The following CTDSPL2 variants were observed in gnomAD, a reference collection of about 807,000 sequenced individuals.
CTDSPL2 encodes the protein CTD small phosphatase-like protein 2.
A neutral mutation model predicts 60.0 loss-of-function variants in CTDSPL2; 5 were observed. The observed-to-expected ratio is 0.08, with a 90% CI of 0.04 to 0.18. The LOEUF (loss-of-function observed/expected upper bound fraction) is 0.18. Among genes scored for constraint, CTDSPL2 ranks in the 10% least tolerant of loss-of-function variants. The pLI is 1.00. For synonymous variants in CTDSPL2, 186 were observed against 189.3 expected, an observed-to-expected ratio of 0.98 and a Z score of 0.14; for missense variants, 370 against 548.8, an observed-to-expected ratio of 0.67 and a Z score of 3.26.
chr15:44,522,836 G>A (rs1014543956), intron 12 of CTDSPL2, among the ~76,000 whole-genome samples: 8 of 152,178 alleles, frequency 5.3e-5, no homozygotes, highest in African/African-American at 1.9e-4. Context: ...TTATGCTACT[G>A]AAACTTTATT....
At chr15:44,491,354 G>A (rs937704306) in intron 5 of CTDSPL2, among the ~76,000 whole-genome samples, 1 of 152,142 alleles carries the variant, frequency 6.6e-6, no homozygotes, top group Non-Finnish European at 1.5e-5. Context: ...CTAGCTAGAG[G>A]CAGTCTCATA....
intron 2 of CTDSPL2, among the ~76,000 whole-genome samples, chr15:44,479,938 C>A (rs1273970318): frequency 6.6e-6 from 1 of 152,088 alleles, no homozygotes; most frequent in Non-Finnish European, 1.5e-5. Context: ...TCTCTTTGAA[C>A]AAATTTTGTT....
At chr15:44,449,926 G>A (rs1375748480) in intron 1 of CTDSPL2, among the ~76,000 whole-genome samples, 3 of 151,988 alleles carry the variant, frequency 2.0e-5, no homozygotes, top group African/African-American at 7.2e-5. Context: ...AGGAGGTGGA[G>A]GTTGCAGTGA....
intron 10 of CTDSPL2, among the ~76,000 whole-genome samples, chr15:44,515,685 A>G (rs1052592830): frequency 3.3e-5 from 5 of 152,110 alleles, no homozygotes; most frequent in Non-Finnish European, 4.4e-5. Context: ...AGCCTCACCA[A>G]TATGGAGAAA....
At chr15:44,478,065 A>G (rs1392568962) in intron 2 of CTDSPL2, among the ~76,000 whole-genome samples, 1 of 152,122 alleles carries the variant, frequency 6.6e-6, no homozygotes, top group Non-Finnish European at 1.5e-5. Flanking sequence ...TTAGTTCTAC[A>G]GGTTCTCCAT....
At chr15:44,520,331 T>C (rs2140872801) in intron 11 of CTDSPL2, 1 of 151,996 alleles carries the variant, frequency 6.6e-6, no homozygotes, top group East Asian at 1.9e-4. Context: ...GTATTATTAG[T>C]AGAGACGGGG....
intron 1 of CTDSPL2, 70 bp from the exon 2 acceptor site, chr15:44,458,921 C>G: frequency 9.7e-7 from 1 of 1,026,684 alleles, no homozygotes. Flanking sequence ...AAGCTGGGCA[C>G]ATTTGGGTAG....
chr15:44,491,083 C>T, intron 5 of CTDSPL2, 84 bp downstream of exon 5: 6 of 948,256 alleles, frequency 6.3e-6, no homozygotes, highest in Non-Finnish European at 9.6e-6. Flanking sequence ...TAAATGAGCA[C>T]ATTATATGCA....
In CTDSPL2 at chr15:44,459,090, A is replaced by C; in HGVS notation, c.76A>C (p.Lys26Gln). 1 of 1,613,234 alleles carries C rather than the reference A, an allele frequency of 6.2e-7. No homozygotes were observed. Among genetic ancestry groups the C allele is most frequent in the Non-Finnish European group, 8.5e-7 (1 of 1,179,554 alleles). Reference sequence around the variant, plus strand: ...ACAACGCACTGCCAGAGCAAAGAGGAAATATTCAGAGGTTGATGATAGCCT... The same window carrying C: ...ACAACGCACTGCCAGAGCAAAGAGGCAATATTCAGAGGTTGATGATAGCCT... The part of the protein sequence containing the change: ...QTQRTARAKR[K>Q]YSEVDDSLPS... Residue 26 changes from lysine to glutamine, a missense_variant, in exon 2 of 13, where the codon AAA becomes CAA. By Grantham distance (53) the Lys-to-Gln change is moderately conservative. Around this residue, in one of 6 missense-constraint regions of CTDSPL2, gnomAD observed 287 missense variants for 296.1 expected, o/e 0.97. Coordinates refer to ENST00000260327, the MANE Select transcript of CTDSPL2 (RefSeq NM_016396.3).
At chr15:44,448,655 T>A (rs1304778225) in intron 1 of CTDSPL2, 1 of 327,772 alleles carries the variant, frequency 3.1e-6, no homozygotes, top group Non-Finnish European at 6.0e-6. Context: ...TCCCATTTTA[T>A]TCTAAATCCA....
chr15:44,528,357 GGTTTTGTTTT>G lies in CTDSPL2; in HGVS notation c.*4199_*4208del, dbSNP rs527291714. 8.0e-5 allele frequency: 12 copies of G among 150,888 alleles called. No individual in the cohort carries two copies. The highest frequency in any genetic ancestry group is 3.2e-3 in the Middle Eastern group (1 of 316). The allele number at this position is 150,888 out of a possible 1,614,324, so 9.3% of individuals were successfully genotyped here. ...TCTGGCTTTTTTTTTTTGTTTGGTT[GGTTTTGTTTT>G]GTTTTGTTTTGTTTTTTCTTTAAAG... On this transcript the variant is annotated 3_prime_UTR_variant, in exon 13 of 13. Transcript: ENST00000260327.
rs78565731 is a variant in CTDSPL2, at chr15:44,439,665, C to T, written c.-25+11893C>T. Among the ~76,000 whole-genome samples, 378 of 151,878 alleles carry T rather than the reference C, an allele frequency of 2.5e-3. 2 individuals are homozygous for T. Among genetic ancestry groups the T allele is most frequent in the African/African-American group, 8.6e-3 (356 of 41,406 alleles). Reference sequence around the variant, plus strand: ...GTATTTTCAAATTAGGGATACTCAACCTGTAATTTATCTAGTAATGGAACG... The same window carrying T: ...GTATTTTCAAATTAGGGATACTCAATCTGTAATTTATCTAGTAATGGAACG... On this transcript the variant is annotated intron_variant, in intron 1 of 12. Transcript: ENST00000260327.
At chr15:44,493,177 A>T (rs1189218167) in intron 5 of CTDSPL2, among the ~76,000 whole-genome samples, 1 of 152,196 alleles carries the variant, frequency 6.6e-6, no homozygotes, top group Admixed American at 6.5e-5. Flanking sequence ...ATCACTATAC[A>T]GTATGGTGAG....
intron 8 of CTDSPL2, among the ~76,000 whole-genome samples, chr15:44,509,884 C>A (rs946809906): frequency 6.6e-6 from 1 of 151,820 alleles, no homozygotes; most frequent in African/African-American, 2.4e-5. Flanking sequence ...TGAGACCACA[C>A]CATTGCACTC....
At chr15:44,494,537 C>T (rs1349466583) in intron 5 of CTDSPL2, among the ~76,000 whole-genome samples, 1 of 151,790 alleles carries the variant, frequency 6.6e-6, no homozygotes, top group East Asian at 1.9e-4. Context: ...GAGCCCAGGT[C>T]GAGTCCACAG....
intron 1 of CTDSPL2, among the ~76,000 whole-genome samples, chr15:44,449,507 TGTTAGTAGAGACA>T (rs2080290905): frequency 6.6e-6 from 1 of 152,106 alleles, no homozygotes; most frequent in Admixed American, 6.5e-5. Context: ...TTTTTTGTAT[TGTTAGTAGAGACA>T]GGGTTTCACC....
chr15:44,466,766 A>C (rs1203792733), intron 2 of CTDSPL2, among the ~76,000 whole-genome samples: 1 of 136,756 alleles, frequency 7.3e-6, no homozygotes, highest in Non-Finnish European at 1.6e-5. Context: ...CCCCGTCTCT[A>C]CTAAAAATAC....
chr15:44,518,575 T>A (rs1046954667), intron 10 of CTDSPL2: 3 of 151,974 alleles, frequency 2.0e-5, no homozygotes, highest in Non-Finnish European at 2.9e-5. Context: ...TCAAAAAAAA[T>A]AAGGAAATCT....
intron 1 of CTDSPL2, among the ~76,000 whole-genome samples, chr15:44,440,907 T>G (rs1389051818): frequency 6.6e-6 from 1 of 152,166 alleles, no homozygotes; most frequent in Admixed American, 6.6e-5. Flanking sequence ...AGAGGGTACC[T>G]TAAGTGCGCC....
Sources: allele counts gnomAD v4.1 joint callset (sites outside exome capture counted in the v4.1 genomes callset), GRCh38; gene constraint gnomAD v4.1.1; regional missense constraint gnomAD v4.1.1; transcripts MANE v1.5; gene names NCBI Gene and HGNC (gene_info 2026-07-23, HGNC 2026-07-21).